HEMK2: variants seen among roughly 807,000 people sequenced by gnomAD.
HEMK2 encodes the protein methyltransferase HEMK2.
chr21:28,809,382 T>C, the HEMK2 span, among the ~76,000 whole-genome samples: 2 of 152,188 alleles, frequency 1.3e-5, no homozygotes, highest in East Asian at 1.9e-4. Context: ...GGTCTACTTA[T>C]GTAAAGGTTT....
At chr21:28,614,885 T>C in the HEMK2 span, among the ~76,000 whole-genome samples, 4 of 152,218 alleles carry the variant, frequency 2.6e-5, no homozygotes, top group Admixed American at 6.5e-5. Flanking sequence ...CATTGAGTGA[T>C]ATTTTTCAAT....
chr21:28,846,217 T>C, the HEMK2 span, among the ~76,000 whole-genome samples: 1 of 152,354 alleles, frequency 6.6e-6, no homozygotes, highest in East Asian at 1.9e-4. Flanking sequence ...TCTAGGTTGA[T>C]TCCATGTCTT....
chr21:28,862,624 C>T, the HEMK2 span, among the ~76,000 whole-genome samples: 3 of 149,942 alleles, frequency 2.0e-5, no homozygotes, highest in East Asian at 3.9e-4. Context: ...CCGGCCTGGG[C>T]GACAGAGCGA....
the HEMK2 span, chr21:28,883,171 C>A: frequency 1.1e-5 from 7 of 657,224 alleles, no homozygotes; most frequent in African/African-American, 1.9e-5. Context: ...ATTTCTCTAG[C>A]ATCATCACTC....
chr21:28,641,231 G>A, the HEMK2 span, among the ~76,000 whole-genome samples: 1 of 152,116 alleles, frequency 6.6e-6, no homozygotes, highest in African/African-American at 2.4e-5. Context: ...CAACTCCAGG[G>A]GAAAGTACAG....
the HEMK2 span, among the ~76,000 whole-genome samples, chr21:28,697,881 G>A: frequency 6.6e-6 from 1 of 151,476 alleles, no homozygotes; most frequent in African/African-American, 2.4e-5. Context: ...TAGACACGGT[G>A]ACTTGTAAAC....
At chr21:28,590,636 T>C in the HEMK2 span, among the ~76,000 whole-genome samples, 3 of 152,190 alleles carry the variant, frequency 2.0e-5, no homozygotes, top group African/African-American at 7.2e-5. Flanking sequence ...TTGTTAAAGA[T>C]TTGTGGTGAT....
the HEMK2 span, among the ~76,000 whole-genome samples, chr21:28,629,798 G>A: frequency 1.3e-4 from 20 of 152,244 alleles, no homozygotes; most frequent in African/African-American, 4.3e-4. Flanking sequence ...CCAGGTTTCC[G>A]CAGGGGCCTG....
the HEMK2 span, among the ~76,000 whole-genome samples, chr21:28,750,067 T>G: frequency 2.0e-5 from 3 of 152,196 alleles, no homozygotes; most frequent in Non-Finnish European, 2.9e-5. Context: ...TTAGGACTAA[T>G]AGCTGAGTAA....
chr21:28,817,465 T>C, the HEMK2 span, among the ~76,000 whole-genome samples: 12 of 152,252 alleles, frequency 7.9e-5, no homozygotes, highest in African/African-American at 2.9e-4. Flanking sequence ...AAATTACAAG[T>C]GATCTCTCCA....
chr21:28,742,469 T>C, the HEMK2 span, among the ~76,000 whole-genome samples: 3 of 152,142 alleles, frequency 2.0e-5, no homozygotes. Flanking sequence ...TCAAAACACG[T>C]TGAGTTTAAC....
the HEMK2 span, among the ~76,000 whole-genome samples, chr21:28,870,927 A>G: frequency 6.6e-5 from 10 of 152,206 alleles, no homozygotes; most frequent in Non-Finnish European, 1.5e-4. Flanking sequence ...AAGAATATGC[A>G]TTCCCTGATT....
the HEMK2 span, among the ~76,000 whole-genome samples, chr21:28,781,711 C>A: frequency 6.6e-6 from 1 of 152,200 alleles, no homozygotes; most frequent in African/African-American, 2.4e-5. Context: ...GGGAAGCTCA[C>A]CTAAGCCTTT....
At chr21:28,665,016 G>A in the HEMK2 span, among the ~76,000 whole-genome samples, 1 of 151,922 alleles carries the variant, frequency 6.6e-6, no homozygotes. Context: ...AGTGGCTCAC[G>A]CCTATAATCC....
the HEMK2 span, among the ~76,000 whole-genome samples, chr21:28,799,620 C>T: frequency 6.6e-6 from 1 of 152,276 alleles, no homozygotes; most frequent in Middle Eastern, 3.4e-3. Flanking sequence ...AAAGCCAAAG[C>T]ACTAAACTTG....
chr21:28,824,825 C>G, the HEMK2 span, among the ~76,000 whole-genome samples: 1 of 152,128 alleles, frequency 6.6e-6, no homozygotes, highest in Admixed American at 6.6e-5. Flanking sequence ...GTCAATAATC[C>G]TCCTTCTATT....
At chr21:28,878,772 T>C in the HEMK2 span, among the ~76,000 whole-genome samples, 2 of 151,684 alleles carry the variant, frequency 1.3e-5, no homozygotes, top group Admixed American at 6.6e-5. Context: ...GCTTTTGTAC[T>C]TAACACAGAA....
At chr21:28,841,101 T>TAA in the HEMK2 span, among the ~76,000 whole-genome samples, 14 of 41,206 alleles carry the variant, frequency 3.4e-4, no homozygotes, top group East Asian at 9.9e-3. Flanking sequence ...ATATTATATA[T>TAA]TATATAATAA....
the HEMK2 span, among the ~76,000 whole-genome samples, chr21:28,836,953 A>G: frequency 6.6e-6 from 1 of 152,240 alleles, no homozygotes; most frequent in Non-Finnish European, 1.5e-5. Flanking sequence ...GGCCTTGTCC[A>G]ACAGGAAAAT....
Sources: gnomAD v4.1 joint callset for allele counts (sites outside exome capture counted in the v4.1 genomes callset) on GRCh38, gnomAD v4.1.1 for gene constraint, MANE v1.5 for transcripts, NCBI Gene and HGNC (gene_info 2026-07-23, HGNC 2026-07-21) for gene names.